WWOX: variants seen among roughly 807,000 people sequenced by gnomAD.
WWOX encodes the protein WW domain-containing oxidoreductase.
A neutral mutation model predicts 46.2 loss-of-function variants in WWOX; 69 were observed. That is an observed-to-expected ratio of 1.49 (90% CI 1.23 to 1.82). The LOEUF (loss-of-function observed/expected upper bound fraction) is 1.82, where lower values mean the gene tolerates loss of function less well. Among genes scored for constraint, WWOX ranks in the 40% most tolerant of loss-of-function variants. The pLI is 0.00. For missense variants in WWOX, 919 were observed against 542.6 expected (o/e 1.69, Z -6.89); for synonymous variants, 359 against 202.6 (o/e 1.77, Z -6.56).
At chr16:78,715,147 T>A (rs1281526178) in intron 8 of WWOX, among the ~76,000 whole-genome samples, 1 of 152,044 alleles carries the variant, frequency 6.6e-6, no homozygotes, top group African/African-American at 2.4e-5. Flanking sequence ...TTGTGATGAA[T>A]TAGGATTGGA....
At chr16:78,928,471 G>C (rs1000697138) in intron 8 of WWOX, among the ~76,000 whole-genome samples, 5 of 152,032 alleles carry the variant, frequency 3.3e-5, no homozygotes, top group Non-Finnish European at 7.4e-5. Flanking sequence ...CAAAGTGCTG[G>C]GATTACAGGC....
intron 8 of WWOX, among the ~76,000 whole-genome samples, chr16:78,647,369 AG>A: frequency 6.6e-6 from 1 of 152,148 alleles, no homozygotes; most frequent in African/African-American, 2.4e-5. Flanking sequence ...TCCACCTGGG[AG>A]ACTGGCTGCT....
intron 8 of WWOX, among the ~76,000 whole-genome samples, chr16:78,624,962 C>G (rs2046278440): frequency 1.3e-5 from 2 of 152,076 alleles, no homozygotes; most frequent in Admixed American, 1.3e-4. Context: ...ATCATGGCCC[C>G]CTTCATATCC....
At chr16:78,458,043 C>G (rs1410086508) in intron 8 of WWOX, among the ~76,000 whole-genome samples, 1 of 146,430 alleles carries the variant, frequency 6.8e-6, no homozygotes, top group Non-Finnish European at 1.5e-5. Flanking sequence ...TGCCACTGCA[C>G]TCCAGCCTGG....
In WWOX at chr16:78,617,012, G is replaced by A. The variant is rs193264883; in HGVS notation, c.1056+184260G>A. On this transcript the variant is annotated intron_variant, in intron 8 of 8. Coordinates refer to ENST00000566780, the MANE Select transcript of WWOX (RefSeq NM_016373.4). The stretch of plus-strand genomic sequence containing the variant: ...GATCTGAGAAGACACAAAACCCAGC[G>A]TGGTGATTTTGGCAGCCTTGCCATG... Among the ~76,000 whole-genome samples the A allele has an allele frequency of 4.6e-3, 701 of 152,298 alleles. 6 individuals carry two copies. The highest frequency in any genetic ancestry group is 0.016 in the African/African-American group (658 of 41,562).
chr16:78,606,657 C>T (rs1218876902), intron 8 of WWOX, among the ~76,000 whole-genome samples: 2 of 150,778 alleles, frequency 1.3e-5, no homozygotes, highest in African/African-American at 4.9e-5. Context: ...GTGAACACAT[C>T]CAGACAAATG....
chr16:78,569,414 G>A (rs2044658261), intron 8 of WWOX, among the ~76,000 whole-genome samples: 2 of 152,144 alleles, frequency 1.3e-5, no homozygotes, highest in South Asian at 4.1e-4. Context: ...CATTTCAGTT[G>A]GTCAAGTCAT....
chr16:78,710,582 A>T (rs1010505693), intron 8 of WWOX, among the ~76,000 whole-genome samples: 28 of 145,018 alleles, frequency 1.9e-4, no homozygotes, highest in African/African-American at 6.8e-4. Context: ...CTAAATATAT[A>T]AAATATATAT....
At position 79,060,238 on chromosome 16, in the gene WWOX, C is replaced by T. The variant is rs190417942; in HGVS notation, c.1057-151370C>T. ...CTTGAACTTGGTGAGATTCTATCTG[C>T]AGTGTTTCCAAAAATAGTTTTGGAA... On this transcript the variant is annotated intron_variant, in intron 8 of 8. Coordinates refer to ENST00000566780, the MANE Select transcript of WWOX (RefSeq NM_016373.4). Among the ~76,000 whole-genome samples the T allele has an allele frequency of 2.8e-3, 421 of 152,304 alleles. 3 individuals carry two copies. The highest frequency in any genetic ancestry group is 1.0e-2 in the African/African-American group (414 of 41,564).
chr16:79,115,374 G>T (rs896472051), intron 8 of WWOX, among the ~76,000 whole-genome samples: 11 of 152,166 alleles, frequency 7.2e-5, no homozygotes, highest in African/African-American at 2.7e-4. Context: ...GTGCAGGGTG[G>T]TCAGTAAGTA....
chr16:78,440,612 G>GTTTTT (rs57345113), intron 8 of WWOX, among the ~76,000 whole-genome samples: 5,338 of 144,580 alleles, frequency 0.037, 136 homozygotes, highest in South Asian at 0.14. Context: ...AATTTCTGTA[G>GTTTTT]TTTTTTTTTT....
At chr16:78,392,990 G>A (rs1055814750) in intron 6 of WWOX, among the ~76,000 whole-genome samples, 1 of 152,090 alleles carries the variant, frequency 6.6e-6, no homozygotes, top group African/African-American at 2.4e-5. Flanking sequence ...CGGCCAGTGT[G>A]TCTCGGGTCA....
intron 8 of WWOX, among the ~76,000 whole-genome samples, chr16:78,934,053 G>C (rs544434299): frequency 8.6e-5 from 13 of 151,886 alleles, no homozygotes; most frequent in Non-Finnish European, 1.6e-4. Context: ...AACTTAGCCG[G>C]GGCCGGGCAC....
chr16:79,131,878 C>T (rs927586612), intron 8 of WWOX, among the ~76,000 whole-genome samples: 4 of 152,134 alleles, frequency 2.6e-5, no homozygotes, highest in Middle Eastern at 3.2e-3. Flanking sequence ...GAGCAAGTCA[C>T]GTCTTACACG....
intron 8 of WWOX, among the ~76,000 whole-genome samples, chr16:79,099,725 C>T (rs2049153587): frequency 1.3e-5 from 2 of 152,090 alleles, no homozygotes; most frequent in African/African-American, 4.8e-5. Context: ...GAACTTTTTG[C>T]AGTGTACAAA....
intron 8 of WWOX, among the ~76,000 whole-genome samples, chr16:78,473,145 T>A (rs930626509): frequency 6.6e-6 from 1 of 152,242 alleles, no homozygotes; most frequent in African/African-American, 2.4e-5. Context: ...GTTTGTTTGC[T>A]TTGAGACCGA....
At chr16:78,739,839 C>A (rs2049174077) in intron 8 of WWOX, among the ~76,000 whole-genome samples, 2 of 152,048 alleles carry the variant, frequency 1.3e-5, no homozygotes, top group Non-Finnish European at 2.9e-5. Context: ...CAAACAAAAA[C>A]CCCAGATATT....
chr16:78,266,858 T>TA (rs1051759283), intron 5 of WWOX, among the ~76,000 whole-genome samples: 1 of 119,696 alleles, frequency 8.4e-6, no homozygotes, highest in Non-Finnish European at 1.8e-5. Flanking sequence ...CTCATAGTGA[T>TA]ATGGTTTGGC....
chr16:78,452,550 A>T lies in WWOX; in HGVS notation c.1056+19798A>T, dbSNP rs368382510. 5.8e-5 allele frequency among the ~76,000 whole-genome samples: 8 copies of T among 137,488 alleles called. No homozygotes were observed. The East Asian group carries it at 1.7e-3, about 30-fold the overall frequency. 90.2% of individuals were successfully genotyped at this position (137,488 alleles called of 152,430 possible). On this transcript the variant is annotated intron_variant, in intron 8 of 8. Transcript: ENST00000566780. ...GGAGTGCAGTGGCGGATCTTGGCTC[A>T]TTGCAACCTCTGACTCCCAGGTTCA... is the stretch of plus-strand genomic sequence containing the variant.
Sources: allele counts gnomAD v4.1 joint callset (sites outside exome capture counted in the v4.1 genomes callset), GRCh38; gene constraint gnomAD v4.1.1; transcripts MANE v1.5; gene names NCBI Gene and HGNC (gene_info 2026-07-23, HGNC 2026-07-21).